OPA1: variants seen among roughly 807,000 people sequenced by gnomAD.
OPA1 encodes dynamin-like GTPase OPA1, mitochondrial.
Under a neutral mutation model 152.9 loss-of-function variants are expected in OPA1, and 59 were observed. The observed-to-expected ratio is 0.39, with a 90% CI of 0.31 to 0.48. The LOEUF is 0.48. Ranked by LOEUF, OPA1 falls within the 20% of genes least tolerant of loss-of-function variation. The pLI is 0.96. For synonymous variants in OPA1, 400 were observed against 389.9 expected, an observed-to-expected ratio of 1.03 and a Z score of -0.31; for missense variants, 1,008 against 1,216.8, an observed-to-expected ratio of 0.83 and a Z score of 2.55.
intron 6 of OPA1, 75 bp downstream of exon 6, chr3:193,619,011 T>A (rs1431504963): frequency 6.8e-6 from 8 of 1,177,448 alleles, no homozygotes; most frequent in Non-Finnish European, 1.0e-5. Flanking sequence ...TTGGAAGATT[T>A]TAAAATGATA....
At chr3:193,691,391 A>T (rs941216713) in intron 29 of OPA1, 7 of 152,240 alleles carry the variant, frequency 4.6e-5, no homozygotes, top group African/African-American at 1.7e-4. Flanking sequence ...AACCTAAAAT[A>T]AATAATGTAA....
intron 29 of OPA1, among the ~76,000 whole-genome samples, chr3:193,683,587 G>A (rs1466899568): frequency 1.3e-5 from 2 of 152,042 alleles, no homozygotes; most frequent in East Asian, 1.9e-4. Context: ...AACTACAATT[G>A]TTGTCTTATT....
chr3:193,674,532 T>G (rs1227995446), intron 29 of OPA1, among the ~76,000 whole-genome samples: 4 of 152,226 alleles, frequency 2.6e-5, no homozygotes, highest in Non-Finnish European at 4.4e-5. Flanking sequence ...TCTAAAAAGA[T>G]TCTTTCACTG....
intron 29 of OPA1, among the ~76,000 whole-genome samples, chr3:193,668,029 T>A (rs141378573): frequency 2.4e-4 from 37 of 152,320 alleles, no homozygotes; most frequent in Admixed American, 3.9e-4. Flanking sequence ...AGCTAGGAAC[T>A]AAGTGTTGTG....
At chr3:193,669,843 T>C (rs1016318026) in intron 29 of OPA1, among the ~76,000 whole-genome samples, 1 of 152,234 alleles carries the variant, frequency 6.6e-6, no homozygotes, top group Non-Finnish European at 1.5e-5. Context: ...AACTCAGATA[T>C]GTACACTGTC....
At chr3:193,654,388 CGGGAGGATAAGGT>C (rs1016368595) in intron 21 of OPA1, among the ~76,000 whole-genome samples, 4 of 150,952 alleles carry the variant, frequency 2.6e-5, no homozygotes, top group African/African-American at 7.3e-5. Context: ...CCCACCTACT[CGGGAGGATAAGGT>C]GGGAGGATGG....
chr3:193,596,336 C>CTTTCCTTTTCTTTTCTTTTCTTTTCTTAA (rs1553865307), intron 1 of OPA1, among the ~76,000 whole-genome samples: 1 of 137,928 alleles, frequency 7.3e-6, no homozygotes, highest in Non-Finnish European at 1.5e-5. Flanking sequence ...CTTTCCTTTC[C>CTTTCCTTTTCTTTTCTTTTCTTTTCTTAA]TTTTCTTTTC....
intron 1 of OPA1, among the ~76,000 whole-genome samples, chr3:193,596,306 T>TTTCC (rs1725498335): frequency 1.1e-3 from 120 of 105,394 alleles, no homozygotes; most frequent in African/African-American, 4.5e-3. Context: ...TTTTCTTTTC[T>TTTCC]TTTCCTTTCC....
intron 1 of OPA1, 108 bp downstream of exon 1, chr3:193,593,517 C>G (rs1345716555): frequency 8.9e-7 from 1 of 1,128,706 alleles, no homozygotes; most frequent in Non-Finnish European, 1.2e-6. Flanking sequence ...GCCAGGCCGA[C>G]GGCAGTTGGA....
chr3:193,597,725 A>G (rs1239243614), intron 1 of OPA1, among the ~76,000 whole-genome samples: 2 of 149,776 alleles, frequency 1.3e-5, no homozygotes, highest in Admixed American at 1.3e-4. Context: ...GGAAATCAGG[A>G]TGGTTTGGCT....
At chr3:193,620,721 A>C (rs1260379762) in intron 6 of OPA1, among the ~76,000 whole-genome samples, 1 of 152,208 alleles carries the variant, frequency 6.6e-6, no homozygotes, top group Non-Finnish European at 1.5e-5. Flanking sequence ...CTACTATAAA[A>C]ATTTACTATC....
Position 193,692,066 on chromosome 3 carries a change from AAGTT to A in OPA1, c.2990_2993del (p.Val997GlufsTer25), listed in dbSNP as rs879255560. ...TTCTTTATTTTTATCTCCACAGAGAAAGTTAGAGAAATTCAAGAAAAACTTGATG... is the reference window on the plus strand; with the variant it reads ...TTCTTTATTTTTATCTCCACAGAGAAAGAGAAATTCAAGAAAAACTTGATG... On this transcript the variant is annotated frameshift_variant, in exon 30 of 31. Coordinates refer to ENST00000361510, the MANE Select transcript of OPA1 (RefSeq NM_130837.3). LOFTEE classifies it high-confidence loss of function. The A allele has an allele frequency of 1.3e-6, 2 of 1,512,388 alleles. No homozygotes were observed. Among genetic ancestry groups the A allele is most frequent in the Non-Finnish European group, 9.1e-7 (1 of 1,100,704 alleles). 93.7% of individuals were successfully genotyped at this position (1,512,388 alleles called of 1,614,324 possible). A position where few individuals can be genotyped will look rare whatever the true frequency, so the allele number is the denominator to read the frequency against.
intron 29 of OPA1, among the ~76,000 whole-genome samples, chr3:193,676,011 T>C (rs1461466640): frequency 6.6e-6 from 1 of 152,234 alleles, no homozygotes; most frequent in African/African-American, 2.4e-5. Flanking sequence ...ACTCCTGTTC[T>C]GCCCACTCCC....
intron 21 of OPA1, among the ~76,000 whole-genome samples, chr3:193,653,361 C>G (rs1174263027): frequency 1.3e-5 from 2 of 152,164 alleles, no homozygotes; most frequent in African/African-American, 4.8e-5. Flanking sequence ...TGACTCTCCT[C>G]ACCAGAGAAG....
At chr3:193,683,354 C>CT (rs1720461610) in intron 29 of OPA1, among the ~76,000 whole-genome samples, 1 of 149,868 alleles carries the variant, frequency 6.7e-6, no homozygotes, top group African/African-American at 2.5e-5. Context: ...ATGCTGTGAA[C>CT]ATTGTTGAAA....
intron 3 of OPA1, 82 bp downstream of exon 3, chr3:193,615,852 A>G (rs1017303302): frequency 3.6e-6 from 3 of 830,184 alleles, no homozygotes; most frequent in African/African-American, 1.7e-5. Flanking sequence ...TTCTTAACTT[A>G]TGAACCTAAT....
intron 26 of OPA1, 21 bp downstream of exon 26, chr3:193,662,983 G>A (rs370110093): frequency 6.2e-7 from 1 of 1,611,474 alleles, no homozygotes; most frequent in African/African-American, 1.3e-5. Flanking sequence ...CTGCTGAGAA[G>A]CAGGAATCTG....
chr3:193,693,764 G>A (rs918134548), intron 30 of OPA1, among the ~76,000 whole-genome samples: 1 of 152,172 alleles, frequency 6.6e-6, no homozygotes, highest in African/African-American at 2.4e-5. Flanking sequence ...TATGTCTTTT[G>A]TGTATGAATA....
Position 193,662,868 on chromosome 3 carries a change from G to C in OPA1, c.2567G>C (p.Cys856Ser), listed in dbSNP as rs1715624337. 1 of 1,613,262 alleles carries C rather than the reference G, an allele frequency of 6.2e-7. No homozygotes were observed. The highest frequency in any genetic ancestry group is 1.1e-5 in the South Asian group (1 of 91,060). The stretch of plus-strand genomic sequence containing the variant: ...AATGAATTGGAGAAGATGTTGAAAT[G>C]TAATGAGGAGCACCCAGCTTATCTT... ...TKNELEKMLK[C>S]NEEHPAYLAS... is the part of the protein sequence containing the mutation. The change falls in exon 26 of 31, where the codon TGT (cysteine) becomes TCT (serine). Residue 856 changes from cysteine (C) to serine (S), a missense_variant. Cys to Ser is a moderately radical substitution (Grantham distance 112, BLOSUM62 -1). Around this residue, in one of 7 missense-constraint regions of OPA1, gnomAD observed 2 missense variants for 20.2 expected, o/e 0.10. Coordinates refer to ENST00000361510, the MANE Select transcript of OPA1 (RefSeq NM_130837.3).
Sources: gnomAD v4.1 joint callset for allele counts (sites outside exome capture counted in the v4.1 genomes callset) on GRCh38, gnomAD v4.1.1 for gene constraint, gnomAD v4.1.1 regional missense constraint, MANE v1.5 for transcripts, NCBI Gene and HGNC (gene_info 2026-07-23, HGNC 2026-07-21) for gene names.